SMIM20: variants seen among roughly 807,000 people sequenced by gnomAD.
SMIM20 encodes the protein small integral membrane protein 20.
A neutral mutation model predicts 8.7 loss-of-function variants in SMIM20; 3 were observed. The observed-to-expected ratio is 0.34, with a 90% CI of 0.16 to 0.89. The LOEUF is 0.89. Ranked by LOEUF, SMIM20 falls within the 40% of genes least tolerant of loss-of-function variation. The pLI, the probability that SMIM20 is intolerant of heterozygous loss-of-function variation, is 0.49. For synonymous variants in SMIM20, 44 were observed against 33.6 expected (o/e 1.31, Z -1.07); for missense variants, 85 against 84.8 (o/e 1.00, Z -0.01).
chr4:25,914,400 C>G lies in SMIM20; in HGVS notation c.87C>G (p.Pro29=). The G allele has an allele frequency of 2.6e-6, 4 of 1,528,044 alleles. No individual in the cohort carries two copies. Among genetic ancestry groups the G allele is most frequent in the Non-Finnish European group, 3.5e-6 (4 of 1,132,654 alleles). The allele number at this position is 1,528,044 out of a possible 1,614,324, so 94.7% of individuals were successfully genotyped here. Residue 29 remains proline, a synonymous_variant, in exon 1 of 3, where the codon CCC becomes CCG. Transcript: ENST00000506197. The part of the protein sequence containing the change: ...GAAFYPIYFR[P]LMRLEEYKKE... Reference sequence around the variant, plus strand: ...CCTTCTATCCCATCTACTTCCGGCCCCTAATGAGATTGGAGGAGTACAGTG... The same window carrying G: ...CCTTCTATCCCATCTACTTCCGGCCGCTAATGAGATTGGAGGAGTACAGTG...
intron 1 of SMIM20, among the ~76,000 whole-genome samples, chr4:25,922,966 A>T (rs1373921035): frequency 6.6e-6 from 1 of 152,166 alleles, no homozygotes; most frequent in Non-Finnish European, 1.5e-5. Flanking sequence ...CTATCACCAG[A>T]CTGCCTTATT....
intron 1 of SMIM20, among the ~76,000 whole-genome samples, chr4:25,918,686 A>G (rs1560386838): frequency 2.0e-5 from 3 of 149,482 alleles, no homozygotes; most frequent in Non-Finnish European, 4.5e-5. Context: ...ATTTTTTTGT[A>G]TTTTTTACTA....
rs138271234 is a variant in SMIM20 at position 25,926,378 on chromosome 4, G to A, written c.110-1935G>A. ...TTAAAGAACCAGGGGATGTAGATAG[G>A]ATGCTAATACCTGGTTATCATTTGG... is the stretch of plus-strand genomic sequence containing the variant. On this transcript the variant is annotated intron_variant, in intron 1 of 2. Transcript: ENST00000506197. Among the ~76,000 whole-genome samples, 1,407 of 152,326 alleles carry A rather than the reference G, an allele frequency of 9.2e-3. 18 individuals are homozygous for A. The highest frequency in any genetic ancestry group is 0.015 in the Non-Finnish European group (988 of 68,022).
intron 1 of SMIM20, among the ~76,000 whole-genome samples, chr4:25,922,230 C>T (rs1719213750): frequency 1.3e-5 from 2 of 151,966 alleles, no homozygotes; most frequent in South Asian, 4.1e-4. Flanking sequence ...GATGGAGGGC[C>T]AAGAAAGTCT....
In SMIM20 at chr4:25,914,269, A is replaced by G. The variant is rs1315727243; in HGVS notation, c.-45A>G. On this transcript the variant is annotated 5_prime_UTR_variant, in exon 1 of 3. Coordinates refer to ENST00000506197, the MANE Select transcript of SMIM20 (RefSeq NM_001145432.3). The stretch of plus-strand genomic sequence containing the variant: ...GGCCGTCGGTAACCTGGTTTCCGAG[A>G]GTGCCGGGCGGTCGGCGGGTCAGGG... 1.4e-5 allele frequency: 21 copies of G among 1,526,212 alleles called. No individual in the cohort carries two copies. The highest frequency in any genetic ancestry group is 1.8e-5 in the Non-Finnish European group (20 of 1,131,678). The allele number at this position is 1,526,212 out of a possible 1,614,324, so 94.5% of individuals were successfully genotyped here. A position where few individuals can be genotyped will look rare whatever the true frequency, so the allele number is the denominator to read the frequency against.
At chr4:25,925,478 C>G (rs1159395210) in intron 1 of SMIM20, among the ~76,000 whole-genome samples, 2 of 152,138 alleles carry the variant, frequency 1.3e-5, no homozygotes, top group South Asian at 2.1e-4. Context: ...CTCAGGTGAT[C>G]CACCCGCCTC....
chr4:25,915,856 GGGC>G (rs200000054), intron 1 of SMIM20, among the ~76,000 whole-genome samples: 1,344 of 117,854 alleles, frequency 0.011, 183 homozygotes, highest in African/African-American at 0.046. Flanking sequence ...ACTTGGGATG[GGGC>G]GGGGGGGGGG....
chr4:25,921,061 A>G (rs559716487), intron 1 of SMIM20, among the ~76,000 whole-genome samples: 1 of 152,204 alleles, frequency 6.6e-6, no homozygotes, highest in Non-Finnish European at 1.5e-5. Flanking sequence ...AAGAGCAGTG[A>G]TCATATTCAC....
chr4:25,919,817 C>A (rs776819311), intron 1 of SMIM20, among the ~76,000 whole-genome samples: 1 of 152,176 alleles, frequency 6.6e-6, no homozygotes, highest in Non-Finnish European at 1.5e-5. Context: ...CCTTATAATG[C>A]CTTAACCTTT....
intron 1 of SMIM20, among the ~76,000 whole-genome samples, chr4:25,922,164 G>A (rs139445796): frequency 6.6e-6 from 1 of 152,146 alleles, no homozygotes; most frequent in Non-Finnish European, 1.5e-5. Context: ...GAATGGCAAA[G>A]TTTCCAGCAG....
intron 2 of SMIM20, 73 bp from the exon 3 acceptor site, chr4:25,929,080 GT>G: frequency 6.6e-7 from 1 of 1,516,512 alleles, no homozygotes; most frequent in East Asian, 2.5e-5. Context: ...ATGTCATTTT[GT>G]TTGTTTGGGG....
rs576740812 is a variant in SMIM20, at chr4:25,929,500, A to G, written c.*309A>G. The stretch of plus-strand genomic sequence containing the variant: ...ATCTGCTTATTATTCTGTCGTTACC[A>G]CTTACTCAAGCGAGCTGTGATATGA... On this transcript the variant is annotated 3_prime_UTR_variant, in exon 3 of 3. Coordinates refer to ENST00000506197, the MANE Select transcript of SMIM20 (RefSeq NM_001145432.3). 94 of 286,014 alleles carry G rather than the reference A, an allele frequency of 3.3e-4. 1 individual carries two copies. The highest frequency in any genetic ancestry group is 2.0e-3 in the African/African-American group (93 of 46,010). 17.7% of individuals were successfully genotyped at this position (286,014 alleles called of 1,614,324 possible).
chr4:25,926,571 CTTTCT>C (rs1711518913), intron 1 of SMIM20, among the ~76,000 whole-genome samples: 1 of 152,218 alleles, frequency 6.6e-6, no homozygotes, highest in Non-Finnish European at 1.5e-5. Flanking sequence ...ACAGGGATTT[CTTTCT>C]TTTCATTTGG....
At chr4:25,929,106 A>C (rs1711583609) in intron 2 of SMIM20, 48 bp from the exon 3 acceptor site, 19 of 1,547,532 alleles carry the variant, frequency 1.2e-5, no homozygotes, top group Middle Eastern at 1.7e-4. Flanking sequence ...GGAAAGTGGA[A>C]GGACATTTAA....
chr4:25,921,578 A>G (rs527396628), intron 1 of SMIM20, among the ~76,000 whole-genome samples: 1 of 152,326 alleles, frequency 6.6e-6, no homozygotes. Context: ...TTTGAGGCTG[A>G]GGTAGCTGAT....
At chr4:25,916,680 C>T (rs942943201) in intron 1 of SMIM20, among the ~76,000 whole-genome samples, 2 of 152,098 alleles carry the variant, frequency 1.3e-5, no homozygotes, top group Non-Finnish European at 2.9e-5. Flanking sequence ...CTCAGCCTCC[C>T]AAGTAGCTGG....
chr4:25,922,436 C>T (rs746795724), intron 1 of SMIM20, among the ~76,000 whole-genome samples: 1 of 152,128 alleles, frequency 6.6e-6, no homozygotes, highest in South Asian at 2.1e-4. Flanking sequence ...CAGGTGATGG[C>T]GTCTATTCTC....
intron 1 of SMIM20, among the ~76,000 whole-genome samples, chr4:25,918,704 G>C (rs886065664): frequency 1.3e-5 from 2 of 151,276 alleles, no homozygotes; most frequent in East Asian, 3.9e-4. Context: ...CTAGAGACGG[G>C]GTTTCACCAT....
Position 25,928,386 on chromosome 4 carries a change from A to G in SMIM20, c.166+17A>G, listed in dbSNP as rs1711565442. Reference sequence around the variant, plus strand: ...AGCCACCAGGTAAACTGAAAAAAAAAAATCAAAACCAAATCTTATTTGTAC... The same window carrying G: ...AGCCACCAGGTAAACTGAAAAAAAAGAATCAAAACCAAATCTTATTTGTAC... On this transcript the variant is annotated intron_variant, in intron 2 of 2. Transcript: ENST00000506197. 1.3e-6 allele frequency: 2 copies of G among 1,548,744 alleles called. No individual in the cohort carries two copies. The highest frequency in any genetic ancestry group is 8.7e-7 in the Non-Finnish European group (1 of 1,146,008).
Sources: allele counts gnomAD v4.1 joint callset (sites outside exome capture counted in the v4.1 genomes callset), GRCh38; gene constraint gnomAD v4.1.1; transcripts MANE v1.5; gene names NCBI Gene and HGNC (gene_info 2026-07-23, HGNC 2026-07-21).